RUFY1: variants seen among roughly 807,000 people sequenced by gnomAD.
RUFY1 encodes the protein RUN and FYVE domain containing 1, also known as RUN and FYVE domain-containing protein 1.
In RUFY1, 54 loss-of-function variants were observed where a neutral mutation model predicts 94.6. The observed-to-expected ratio is 0.57, with a 90% CI of 0.46 to 0.72. The LOEUF (loss-of-function observed/expected upper bound fraction) is 0.72, where lower values mean the gene tolerates loss of function less well. Ranked by LOEUF, RUFY1 falls within the 30% of genes least tolerant of loss-of-function variation. The probability of loss-of-function intolerance (pLI) is 0.00; values close to 1 mark genes in which losing one functional copy is unlikely to be tolerated. For synonymous variants in RUFY1, 396 were observed against 347.3 expected (o/e 1.14, Z -1.56); for missense variants, 883 against 883.9 (o/e 1.00, Z 0.01).
intron 17 of RUFY1, among the ~76,000 whole-genome samples, chr5:179,608,780 A>C (rs1429928085): frequency 1.3e-5 from 2 of 151,256 alleles, no homozygotes; most frequent in Non-Finnish European, 2.9e-5. Context: ...AAAATACAAA[A>C]ACTAACCGGG....
chr5:179,596,078 A>G (rs778772898), intron 12 of RUFY1: 3 of 179,894 alleles, frequency 1.7e-5, no homozygotes, highest in Non-Finnish European at 3.6e-5. Context: ...GCCAAAAGCT[A>G]GAAGCAATCC....
At chr5:179,609,325 C>A in intron 17 of RUFY1, 51 bp from the exon 18 acceptor site, 1 of 1,588,526 alleles carries the variant, frequency 6.3e-7, no homozygotes, top group Non-Finnish European at 8.6e-7. Flanking sequence ...GGAGGGTGTG[C>A]GGATGGCTTT....
At chr5:179,592,360 C>T (rs867068883) in intron 10 of RUFY1, among the ~76,000 whole-genome samples, 2 of 152,104 alleles carry the variant, frequency 1.3e-5, no homozygotes, top group South Asian at 4.2e-4. Flanking sequence ...CTTTGTGATC[C>T]GCCCGCCTGA....
chr5:179,560,381 C>CT (rs1762348817), intron 2 of RUFY1, among the ~76,000 whole-genome samples, 183 bp downstream of exon 2: 1 of 152,124 alleles, frequency 6.6e-6, no homozygotes, highest in Admixed American at 6.6e-5. Context: ...AGCATGCAAG[C>CT]TATATAGGCA....
chr5:179,595,553 GT>G (rs60336370), intron 12 of RUFY1, among the ~76,000 whole-genome samples: 18,645 of 139,712 alleles, frequency 0.13, 1,143 homozygotes, highest in African/African-American at 0.19. Flanking sequence ...GTTTGTTCTT[GT>G]TTTTTTTTTT....
At chr5:179,559,797 G>A (rs767353302) in intron 1 of RUFY1, 140 of 1,286,856 alleles carry the variant, frequency 1.1e-4, no homozygotes, top group Non-Finnish European at 1.3e-4. Flanking sequence ...TGGAGCAGGA[G>A]GCCCAGTGGC....
chr5:179,600,459 A>G (rs1392303331), intron 14 of RUFY1, among the ~76,000 whole-genome samples: 1 of 152,190 alleles, frequency 6.6e-6, no homozygotes, highest in African/African-American at 2.4e-5. Context: ...ATGAGGTCCC[A>G]GGTCACCCCC....
chr5:179,572,534 C>A, intron 5 of RUFY1: 1 of 216,844 alleles, frequency 4.6e-6, no homozygotes, highest in Non-Finnish European at 9.8e-6. Flanking sequence ...CCTACCCTGC[C>A]TCTTTATCAT....
chr5:179,593,298 G>C (rs1298428706), intron 10 of RUFY1, among the ~76,000 whole-genome samples, 180 bp from the exon 11 acceptor site: 1 of 151,986 alleles, frequency 6.6e-6, no homozygotes, highest in Non-Finnish European at 1.5e-5. Flanking sequence ...GGCTGCTCTC[G>C]AACTCCTGGC....
At chr5:179,571,053 A>G (rs372704426) in intron 5 of RUFY1, among the ~76,000 whole-genome samples, 10 of 152,226 alleles carry the variant, frequency 6.6e-5, no homozygotes, top group Admixed American at 5.2e-4. Flanking sequence ...TAAGCACACC[A>G]TTTTGTAATT....
rs1020604603 is a variant in RUFY1 at position 179,580,969 on chromosome 5, C to T, written c.913C>T (p.Leu305Phe). The T allele has an allele frequency of 4.4e-6, 7 of 1,606,546 alleles. No individual in the cohort carries two copies. The highest frequency in any genetic ancestry group is 5.1e-6 in the Non-Finnish European group (6 of 1,176,422). Residue 305 changes from leucine (L) to phenylalanine (F), a missense_variant, in exon 7 of 18, where the codon CTT becomes TTT. Transcript: ENST00000319449. ...AAGGCATGAAAGAATTACTGATGTC[C>T]TTGATCAAAAAAATTATGTGGAAGA... ...GKEHERITDV[L>F]DQKNYVEELN... is the part of the protein sequence containing the mutation.
Position 179,598,735 on chromosome 5 carries a change from C to G in RUFY1, c.1675C>G (p.Gln559Glu). Residue 559 changes from glutamine to glutamate, a missense_variant, in exon 14 of 18, where the codon CAG (glutamine) becomes GAG (glutamate). Gln to Glu is a conservative substitution (Grantham distance 29, BLOSUM62 2). Coordinates refer to ENST00000319449, the MANE Select transcript of RUFY1 (RefSeq NM_025158.5). The part of the protein sequence containing the change: ...KELKSEKEQR[Q>E]ALQRELQHEK... Reference sequence around the variant, plus strand: ...ATTGAAATCAGAAAAAGAGCAAAGACAGGCTCTTCAGCGCGAATTACAGCA... The same window carrying G: ...ATTGAAATCAGAAAAAGAGCAAAGAGAGGCTCTTCAGCGCGAATTACAGCA... 6.2e-7 allele frequency: 1 copy of G among 1,614,086 alleles called. No homozygotes were observed. The highest frequency in any genetic ancestry group is 2.2e-5 in the East Asian group (1 of 44,874).
intron 13 of RUFY1, 120 bp from the exon 14 acceptor site, chr5:179,598,572 G>C: frequency 1.7e-6 from 2 of 1,160,344 alleles, no homozygotes; most frequent in Non-Finnish European, 2.5e-6. Context: ...GTTGCCGAAG[G>C]CTTTAGATGC....
intron 11 of RUFY1, 101 bp downstream of exon 11, chr5:179,593,746 C>T (rs1035741091): frequency 4.7e-6 from 7 of 1,487,302 alleles, no homozygotes; most frequent in Non-Finnish European, 6.3e-6. Flanking sequence ...CATAGAGCCC[C>T]TCGTATGTGT....
chr5:179,562,753 T>A, intron 3 of RUFY1, 89 bp downstream of exon 3: 2 of 757,950 alleles, frequency 2.6e-6, no homozygotes, highest in Admixed American at 2.1e-5. Flanking sequence ...TGAAGCCCTT[T>A]CTAATTGGAA....
chr5:179,599,181 A>G (rs1018388951), intron 14 of RUFY1: 13 of 205,426 alleles, frequency 6.3e-5, no homozygotes, highest in African/African-American at 2.1e-4. Flanking sequence ...CAGTGTGAGG[A>G]GCAAAGAGGC....
chr5:179,599,035 C>T (rs756012884), intron 14 of RUFY1, among the ~76,000 whole-genome samples: 9 of 152,210 alleles, frequency 5.9e-5, no homozygotes, highest in Non-Finnish European at 1.3e-4. Flanking sequence ...GAGGCAAGTG[C>T]CATGAAGAGA....
intron 1 of RUFY1, among the ~76,000 whole-genome samples, chr5:179,552,595 A>T (rs1001753284): frequency 2.6e-5 from 4 of 152,146 alleles, no homozygotes; most frequent in African/African-American, 9.7e-5. Context: ...TCCACACATC[A>T]GTGGATGCTG....
chr5:179,580,113 G>A (rs1763999309), intron 6 of RUFY1, among the ~76,000 whole-genome samples: 1 of 151,814 alleles, frequency 6.6e-6, no homozygotes, highest in African/African-American at 2.4e-5. Context: ...TGTATCTACT[G>A]GTATATTGAA....
Sources: allele counts gnomAD v4.1 joint callset (sites outside exome capture counted in the v4.1 genomes callset), GRCh38; gene constraint gnomAD v4.1.1; transcripts MANE v1.5; gene names NCBI Gene and HGNC (gene_info 2026-07-23, HGNC 2026-07-21).